The following PLPPR5 variants were observed in gnomAD, a reference collection of about 807,000 sequenced individuals.
PLPPR5 encodes the protein phospholipid phosphatase-related protein type 5.
In PLPPR5, 16 loss-of-function variants were observed where a neutral mutation model predicts 33.9. The ratio of observed to expected loss-of-function variants is 0.47; its 90% confidence interval spans 0.32 to 0.72. The LOEUF is 0.72. Among genes scored for constraint, PLPPR5 ranks in the 30% least tolerant of loss-of-function variants. The probability of loss-of-function intolerance (pLI) is 0.03; values close to 1 mark genes in which losing one functional copy is unlikely to be tolerated. For synonymous variants in PLPPR5, 163 were observed against 150.3 expected, an observed-to-expected ratio of 1.08 and a Z score of -0.62; for missense variants, 301 against 406.7, an observed-to-expected ratio of 0.74 and a Z score of 2.23.
At chr1:98,984,252 T>C (rs1652172009) in intron 1 of PLPPR5, among the ~76,000 whole-genome samples, 1 of 152,066 alleles carries the variant, frequency 6.6e-6, no homozygotes, top group Admixed American at 6.6e-5. Context: ...TGAGATACCC[T>C]GCCAAAGCAT....
chr1:98,942,407 G>A (rs1460340589), intron 3 of PLPPR5, among the ~76,000 whole-genome samples: 1 of 152,158 alleles, frequency 6.6e-6, no homozygotes, highest in Non-Finnish European at 1.5e-5. Context: ...TTGACACAGG[G>A]AGGATCAGAG....
intron 5 of PLPPR5, among the ~76,000 whole-genome samples, chr1:98,909,660 CT>C (rs1649046762): frequency 6.6e-6 from 1 of 151,952 alleles, no homozygotes; most frequent in African/African-American, 2.4e-5. Flanking sequence ...AGTGAGTTGC[CT>C]AAGGTCAAAA....
At position 98,925,241 on chromosome 1, in the gene PLPPR5, A is replaced by T. The variant is rs140336256; in HGVS notation, c.622-3183T>A. ...TTATGAAACCATCTAGGTTAACCAG[A>T]TGTCAAAATGTAGCTAAAATAAAAT... On this transcript the variant is annotated intron_variant, in intron 3 of 5. Coordinates refer to ENST00000263177, the MANE Select transcript of PLPPR5 (RefSeq NM_001037317.2). Among the ~76,000 whole-genome samples the T allele has an allele frequency of 1.4e-4, 22 of 152,268 alleles. No individual in the cohort carries two copies. In the East Asian group the frequency reaches 3.9e-3, roughly 27 times the overall value.
chr1:98,943,497 G>C (rs1318498523), intron 3 of PLPPR5, among the ~76,000 whole-genome samples: 3 of 152,148 alleles, frequency 2.0e-5, no homozygotes, highest in Non-Finnish European at 4.4e-5. Flanking sequence ...TATGAGCCTA[G>C]GTAATAAATA....
At chr1:98,907,095 G>A (rs1648926858) in intron 5 of PLPPR5, among the ~76,000 whole-genome samples, 1 of 151,368 alleles carries the variant, frequency 6.6e-6, no homozygotes, top group Non-Finnish European at 1.5e-5. Context: ...CATTTCTGAT[G>A]TGTCAGCTAT....
chr1:98,939,292 A>G (rs140984695), intron 3 of PLPPR5, among the ~76,000 whole-genome samples: 1,652 of 150,672 alleles, frequency 0.011, 30 homozygotes, highest in Non-Finnish European at 0.019. Context: ...TTCCATATAG[A>G]GGAAGGGATG....
chr1:98,975,298 T>C (rs1651807999), intron 1 of PLPPR5, among the ~76,000 whole-genome samples: 1 of 152,104 alleles, frequency 6.6e-6, no homozygotes, highest in Non-Finnish European at 1.5e-5. Flanking sequence ...GTCCAATCCC[T>C]TCTTTGCATA....
rs1231207710 is a variant in PLPPR5 at position 98,890,690 on chromosome 1, CTCAG to C, written c.*2378_*2381del. 1.3e-5 allele frequency: 2 copies of C among 152,504 alleles called. No individual in the cohort carries two copies. Among genetic ancestry groups the C allele is most frequent in the Non-Finnish European group, 2.9e-5 (2 of 67,984 alleles). The allele number at this position is 152,504 out of a possible 1,614,324, so 9.4% of individuals were successfully genotyped here. On this transcript the variant is annotated 3_prime_UTR_variant, in exon 6 of 6. Transcript: ENST00000263177. ...TTTCTGAAATATGATTTTCATTATT[CTCAG>C]TAACAGCATCATGAATAAGGGCTAT... is the stretch of plus-strand genomic sequence containing the variant.
chr1:98,910,616 G>T (rs1342419208), intron 5 of PLPPR5, among the ~76,000 whole-genome samples: 1 of 152,138 alleles, frequency 6.6e-6, no homozygotes, highest in Non-Finnish European at 1.5e-5. Context: ...ATAATTATCT[G>T]CCCAATTATT....
At chr1:98,924,775 G>A (rs1649694062) in intron 3 of PLPPR5, among the ~76,000 whole-genome samples, 1 of 152,154 alleles carries the variant, frequency 6.6e-6, no homozygotes, top group Non-Finnish European at 1.5e-5. Flanking sequence ...GGTTCATAAG[G>A]AGCCCATAGA....
intron 1 of PLPPR5, among the ~76,000 whole-genome samples, chr1:98,988,901 T>C (rs1652353431): frequency 6.6e-6 from 1 of 152,136 alleles, no homozygotes; most frequent in Admixed American, 6.6e-5. Flanking sequence ...GATCATTATA[T>C]GAACTAAGGA....
chr1:98,995,391 C>T (rs1156290480), intron 1 of PLPPR5, among the ~76,000 whole-genome samples: 2 of 152,102 alleles, frequency 1.3e-5, no homozygotes, highest in African/African-American at 4.8e-5. Flanking sequence ...ATGAAATAAT[C>T]TGTACACCAA....
chr1:98,996,038 T>G (rs959233755), intron 1 of PLPPR5, among the ~76,000 whole-genome samples: 2 of 152,120 alleles, frequency 1.3e-5, no homozygotes, highest in African/African-American at 2.4e-5. Context: ...TATTTGAGTT[T>G]CACAACTTGT....
intron 1 of PLPPR5, among the ~76,000 whole-genome samples, chr1:98,994,271 T>C (rs1456172183): frequency 6.6e-6 from 1 of 151,914 alleles, no homozygotes; most frequent in Non-Finnish European, 1.5e-5. Context: ...GCAGCAAGAA[T>C]GGAAGCAGAA....
intron 3 of PLPPR5, among the ~76,000 whole-genome samples, chr1:98,925,086 T>G (rs1490489346): frequency 6.6e-6 from 1 of 152,226 alleles, no homozygotes; most frequent in East Asian, 1.9e-4. Context: ...GCCAGTCTAA[T>G]TGTGTTATCC....
intron 1 of PLPPR5, among the ~76,000 whole-genome samples, chr1:98,964,973 A>AT (rs566402306): frequency 0.14 from 16,667 of 121,378 alleles, 1,489 homozygotes; most frequent in African/African-American, 0.25. Flanking sequence ...TTAATTTTTG[A>AT]TTTTTTTTTT....
At chr1:98,983,225 T>C (rs1187792245) in intron 1 of PLPPR5, among the ~76,000 whole-genome samples, 3 of 139,434 alleles carry the variant, frequency 2.2e-5, no homozygotes, top group African/African-American at 8.1e-5. Flanking sequence ...CTCCCAATGC[T>C]ATCCCTCCCC....
At chr1:98,940,299 T>C (rs1650325317) in intron 3 of PLPPR5, among the ~76,000 whole-genome samples, 1 of 151,780 alleles carries the variant, frequency 6.6e-6, no homozygotes, top group South Asian at 2.1e-4. Context: ...TGGAGAGAGC[T>C]AGGAAGCAAG....
At chr1:98,918,455 TAATC>T (rs771663258) in intron 4 of PLPPR5, among the ~76,000 whole-genome samples, 25 of 152,306 alleles carry the variant, frequency 1.6e-4, no homozygotes, top group Middle Eastern at 3.4e-3. Flanking sequence ...ATAAATATCA[TAATC>T]AATCTAAAAA....
Sources: allele counts gnomAD v4.1 joint callset (sites outside exome capture counted in the v4.1 genomes callset), GRCh38; gene constraint gnomAD v4.1.1; transcripts MANE v1.5; gene names NCBI Gene and HGNC (gene_info 2026-07-23, HGNC 2026-07-21).